Variants in DNAAF4 observed in about 807,000 individuals in gnomAD.
The protein encoded by DNAAF4 is dynein axonemal assembly factor 4, also known as dynein assembly factor 4, axonemal.
In DNAAF4, 43 loss-of-function variants were observed where a neutral mutation model predicts 51.8. The observed-to-expected ratio is 0.83, with a 90% CI of 0.65 to 1.07. DNAAF4 has a LOEUF of 1.07. Among genes scored for constraint, DNAAF4 ranks in the 50% least tolerant of loss-of-function variants. The pLI is 0.00. For synonymous variants in DNAAF4, 194 were observed against 165.6 expected (o/e 1.17, Z -1.32); for missense variants, 581 against 493.0 (o/e 1.18, Z -1.69).
intron 1 of DNAAF4, among the ~76,000 whole-genome samples, chr15:55,507,287 A>G (rs183182484): frequency 4.6e-5 from 7 of 152,280 alleles, no homozygotes; most frequent in East Asian, 1.9e-4. Context: ...AAAATATCCT[A>G]TGTCAAAAAT....
intron 5 of DNAAF4, among the ~76,000 whole-genome samples, chr15:55,465,563 A>ATTTTT (rs2058158804): frequency 7.0e-6 from 1 of 142,522 alleles, no homozygotes; most frequent in Non-Finnish European, 1.5e-5. Context: ...ATATGTTCTC[A>ATTTTT]CTTTTTTTTT....
intron 8 of DNAAF4, among the ~76,000 whole-genome samples, chr15:55,433,570 G>A (rs1043853437): frequency 1.2e-4 from 17 of 141,600 alleles, no homozygotes; most frequent in Admixed American, 3.0e-4. Flanking sequence ...AGCTTGCAGT[G>A]AGCCGAAATT....
intron 4 of DNAAF4, among the ~76,000 whole-genome samples, chr15:55,472,574 C>T (rs1383375022): frequency 1.3e-5 from 2 of 151,792 alleles, no homozygotes; most frequent in Admixed American, 6.6e-5. Context: ...GCCAAGATCG[C>T]CCCACTGCAC....
chr15:55,499,915 C>G (rs1595961979), intron 1 of DNAAF4, among the ~76,000 whole-genome samples: 1 of 152,168 alleles, frequency 6.6e-6, no homozygotes, highest in African/African-American at 2.4e-5. Context: ...ACTCCCATTA[C>G]AATGTTTTTG....
chr15:55,446,043 G>A (rs1174196287), intron 6 of DNAAF4, among the ~76,000 whole-genome samples: 2 of 133,100 alleles, frequency 1.5e-5, no homozygotes, highest in Admixed American at 1.5e-4. Flanking sequence ...GGGTGGCCGG[G>A]CAGAGGCACT....
intron 8 of DNAAF4, among the ~76,000 whole-genome samples, chr15:55,433,993 A>AT (rs2057563475): frequency 1.4e-4 from 4 of 27,596 alleles, no homozygotes; most frequent in Non-Finnish European, 2.2e-4. Context: ...TATAATATAT[A>AT]TAATATTATA....
chr15:55,436,604 C>T (rs1470904330), intron 7 of DNAAF4, among the ~76,000 whole-genome samples: 1 of 152,070 alleles, frequency 6.6e-6, no homozygotes, highest in Non-Finnish European at 1.5e-5. Context: ...AGGCTGGTCT[C>T]AAACTCCTGG....
chr15:55,424,580 C>T (rs1262521569), intron 7 of DNAAF4, among the ~76,000 whole-genome samples: 1 of 152,122 alleles, frequency 6.6e-6, no homozygotes, highest in Non-Finnish European at 1.5e-5. Context: ...TGACTAGGCC[C>T]CATCCTTGCA....
intron 4 of DNAAF4, among the ~76,000 whole-genome samples, chr15:55,472,754 T>G (rs1490366264): frequency 6.6e-6 from 1 of 152,214 alleles, no homozygotes; most frequent in Non-Finnish European, 1.5e-5. Context: ...ACACTAAATT[T>G]TTGAAGAAGA....
intron 5 of DNAAF4, among the ~76,000 whole-genome samples, chr15:55,452,425 T>A (rs1261705085): frequency 1.3e-5 from 2 of 151,812 alleles, no homozygotes; most frequent in Non-Finnish European, 2.9e-5. Context: ...AAAAACTATA[T>A]TGCTACAGAA....
chr15:55,501,630 C>T (rs2058699645), intron 1 of DNAAF4, among the ~76,000 whole-genome samples: 1 of 151,922 alleles, frequency 6.6e-6, no homozygotes, highest in South Asian at 2.1e-4. Context: ...CCACCTCGGC[C>T]TCCCAAAGTG....
chr15:55,423,661 A>C (rs1869828471), intron 7 of DNAAF4, among the ~76,000 whole-genome samples: 1 of 152,224 alleles, frequency 6.6e-6, no homozygotes, highest in African/African-American at 2.4e-5. Flanking sequence ...GGACTAAAAA[A>C]GCTAAAGTAA....
rs567109545 is a variant in DNAAF4, at chr15:55,443,048, C to G, written c.784-3467G>C. ...AAGAGCTGGGCCTGTGACACTTGTTCTTCTTTCATAAGCTTTGGGTCAAGA... is the reference window on the plus strand; with the variant it reads ...AAGAGCTGGGCCTGTGACACTTGTTGTTCTTTCATAAGCTTTGGGTCAAGA... On this transcript the variant is annotated intron_variant, in intron 6 of 9. Coordinates refer to ENST00000321149, the MANE Select transcript of DNAAF4 (RefSeq NM_130810.4). The G allele has an allele frequency of 6.2e-6, 10 of 1,611,052 alleles. No homozygotes were observed. The South Asian group carries it at 1.1e-4, about 18-fold the overall frequency.
chr15:55,450,156 C>T, intron 6 of DNAAF4, 66 bp downstream of exon 6: 1 of 1,479,130 alleles, frequency 6.8e-7, no homozygotes, highest in Non-Finnish European at 9.0e-7. Context: ...GTACTAATTT[C>T]AATAGATGAA....
chr15:55,444,077 G>A (rs1431650707), intron 6 of DNAAF4, among the ~76,000 whole-genome samples: 1 of 152,146 alleles, frequency 6.6e-6, no homozygotes, highest in Non-Finnish European at 1.5e-5. Flanking sequence ...TTTGGCTTTT[G>A]TTGCCATTGC....
intron 4 of DNAAF4, among the ~76,000 whole-genome samples, chr15:55,474,621 T>A (rs1301646990): frequency 6.6e-6 from 1 of 152,164 alleles, no homozygotes; most frequent in Admixed American, 6.6e-5. Flanking sequence ...GAAACTACAA[T>A]GGAAACGTTA....
rs543185307 is a variant in DNAAF4, at chr15:55,442,925, G to C, written c.784-3344C>G. The C allele has an allele frequency of 3.7e-6, 6 of 1,611,544 alleles. No individual in the cohort carries two copies. The African/African-American group carries it at 5.3e-5, about 14-fold the overall frequency. On this transcript the variant is annotated intron_variant, in intron 6 of 9. Coordinates refer to ENST00000321149, the MANE Select transcript of DNAAF4 (RefSeq NM_130810.4). ...TGAATCAATCCAGGTGGTCCTTCTA[G>C]GTAAGGGACTCCTTGAAATAAGCAA...
Position 55,434,893 on chromosome 15 carries a change from A to T in DNAAF4, c.1047+12T>A. The T allele has an allele frequency of 6.3e-7, 1 of 1,592,314 alleles. No homozygotes were observed. Among genetic ancestry groups the T allele is most frequent in the Non-Finnish European group, 8.5e-7 (1 of 1,172,558 alleles). ...ATTTAAAGCACCATATATCATACATAGATATCCATACCTTAGAAGAATCTT... is the reference window on the plus strand; with the variant it reads ...ATTTAAAGCACCATATATCATACATTGATATCCATACCTTAGAAGAATCTT... On this transcript the variant is annotated intron_variant, in intron 8 of 9. Transcript: ENST00000321149.
chr15:55,492,194 C>G (rs1352395754), intron 3 of DNAAF4, among the ~76,000 whole-genome samples: 7 of 122,292 alleles, frequency 5.7e-5, no homozygotes, highest in Non-Finnish European at 1.0e-4. Flanking sequence ...CCCAAAGTTT[C>G]ACAAACTGAA....
Sources: gnomAD v4.1 joint callset for allele counts (sites outside exome capture counted in the v4.1 genomes callset) on GRCh38, gnomAD v4.1.1 for gene constraint, MANE v1.5 for transcripts, NCBI Gene and HGNC (gene_info 2026-07-23, HGNC 2026-07-21) for gene names.